TMEM269: variants seen among roughly 807,000 people sequenced by gnomAD.
TMEM269 encodes transmembrane protein 269.
In TMEM269, 12 loss-of-function variants were observed where a neutral mutation model predicts 15.8. The observed-to-expected ratio is 0.76, with a 90% CI of 0.49 to 1.23. TMEM269 has a LOEUF of 1.23. TMEM269 is among the 50% of genes most tolerant of loss of function. TMEM269 has a pLI of 0.00. For synonymous variants in TMEM269, 93 were observed against 99.3 expected (o/e 0.94, Z 0.38); for missense variants, 211 against 245.4 (o/e 0.86, Z 0.94).
chr1:42,785,745 C>T (rs1166778226), intron 1 of TMEM269, among the ~76,000 whole-genome samples: 1 of 152,256 alleles, frequency 6.6e-6, no homozygotes, highest in African/African-American at 2.4e-5. Context: ...GCTTCCGCAC[C>T]TGCGGTTCAT....
rs532336988 is a variant in TMEM269 at position 42,799,884 on chromosome 1, G to A, written c.*1659G>A. The A allele has an allele frequency of 3.3e-5, 5 of 152,090 alleles. No individual in the cohort carries two copies. Among genetic ancestry groups the A allele is most frequent in the South Asian group, 2.1e-4 (1 of 4,820 alleles). 9.4% of individuals were successfully genotyped at this position (152,090 alleles called of 1,614,324 possible). On this transcript the variant is annotated 3_prime_UTR_variant, in exon 6 of 6. Transcript: ENST00000637012. ...GAACAACACCACCACCACCAAAAGC[G>A]AAAAACAGGTTTTATTCTGAACTAA... is the stretch of plus-strand genomic sequence containing the variant.
rs1653747406 is a variant in TMEM269 at position 42,793,887 on chromosome 1, T to C, written c.283+143T>C. 12 of 1,033,802 alleles carry C rather than the reference T, an allele frequency of 1.2e-5. No individual in the cohort carries two copies. In the South Asian group the frequency reaches 2.0e-4, roughly 18 times the overall value. The allele number at this position is 1,033,802 out of a possible 1,614,324, so 64.0% of individuals were successfully genotyped here. ...TCCTCCTTGCGTGCCCCATGCCCCA[T>C]GCCCACTGAAGGCTGCAGGCTGCAT... On this transcript the variant is annotated intron_variant, in intron 4 of 5. Coordinates refer to ENST00000637012, the MANE Select transcript of TMEM269 (RefSeq NM_001354602.2).
At position 42,800,015 on chromosome 1, in the gene TMEM269, T is replaced by C. The variant is rs1653861939; in HGVS notation, c.*1790T>C. 1 of 152,190 alleles carries C rather than the reference T, an allele frequency of 6.6e-6. No homozygotes were observed. The highest frequency in any genetic ancestry group is 6.5e-5 in the Admixed American group (1 of 15,280). The allele number at this position is 152,190 out of a possible 1,614,324, so 9.4% of individuals were successfully genotyped here. A position where few individuals can be genotyped will look rare whatever the true frequency, so the allele number is the denominator to read the frequency against. On this transcript the variant is annotated 3_prime_UTR_variant, in exon 6 of 6. Transcript: ENST00000637012. ...AAATGCCTTGTGGCTGTTTCTAAAA[T>C]TTGAAACTATGTTGAAAGGAAAAAG...
intron 1 of TMEM269, 130 bp from the exon 2 acceptor site, chr1:42,789,666 G>A: frequency 2.5e-6 from 2 of 810,146 alleles, no homozygotes; most frequent in East Asian, 2.7e-5. Flanking sequence ...GTCTCCCTTA[G>A]TCCAGCCAGT....
rs1182404738 is a variant in TMEM269 at position 42,797,234 on chromosome 1, A to G, written c.485-864A>G. On this transcript the variant is annotated intron_variant, in intron 5 of 5. Coordinates refer to ENST00000637012, the MANE Select transcript of TMEM269 (RefSeq NM_001354602.2). The surrounding 1 kb of genome is among the most constrained non-coding windows in gnomAD (Gnocchi z 4.9). ...TCACAGGACTCAGCTTGTTGTACTCATGGCTAAGATTGATTTCAGCAAAAG... is the reference window on the plus strand; with the variant it reads ...TCACAGGACTCAGCTTGTTGTACTCGTGGCTAAGATTGATTTCAGCAAAAG... Among the ~76,000 whole-genome samples the G allele has an allele frequency of 1.3e-5, 2 of 152,188 alleles. No homozygotes were observed. Among genetic ancestry groups the G allele is most frequent in the Non-Finnish European group, 2.9e-5 (2 of 68,034 alleles).
At chr1:42,789,330 G>A in intron 1 of TMEM269, 1 of 992,532 alleles carries the variant, frequency 1.0e-6, no homozygotes, top group Non-Finnish European at 1.5e-6. Context: ...CTGCAGCCCT[G>A]TGCTTCAGAA....
chr1:42,799,575 C>T lies in TMEM269; in HGVS notation c.*1350C>T, dbSNP rs1430156461. The stretch of plus-strand genomic sequence containing the variant: ...GCCTGTGTCCCAGGACTTTATATCT[C>T]CTTCAGTTTAAGTTTTGTATTTTTG... On this transcript the variant is annotated 3_prime_UTR_variant, in exon 6 of 6. Coordinates refer to ENST00000637012, the MANE Select transcript of TMEM269 (RefSeq NM_001354602.2). 6.6e-6 allele frequency: 1 copy of T among 152,172 alleles called. No individual in the cohort carries two copies. The highest frequency in any genetic ancestry group is 1.9e-4 in the East Asian group (1 of 5,200). 9.4% of individuals were successfully genotyped at this position (152,172 alleles called of 1,614,324 possible).
rs184624275 is a variant in TMEM269 at position 42,797,902 on chromosome 1, G to A, written c.485-196G>A. 1.3e-5 allele frequency: 9 copies of A among 696,788 alleles called. No individual in the cohort carries two copies. The highest frequency in any genetic ancestry group is 9.0e-5 in the South Asian group (6 of 66,574). 43.2% of individuals were successfully genotyped at this position (696,788 alleles called of 1,614,324 possible). ...CACAGTGGAACCTGAGACTGCATTG[G>A]GCTATACTTCTCTAGTTACTTACCT... On this transcript the variant is annotated intron_variant, in intron 5 of 5. Transcript: ENST00000637012. The surrounding 1 kb of genome is among the most constrained non-coding windows in gnomAD (Gnocchi z 4.9).
At chr1:42,789,352 G>A in intron 1 of TMEM269, 1 of 1,250,652 alleles carries the variant, frequency 8.0e-7, no homozygotes, top group Non-Finnish European at 1.1e-6. Flanking sequence ...GAGTGAACTT[G>A]GACTGTGGGA....
intron 1 of TMEM269, chr1:42,789,595 C>G: frequency 1.7e-6 from 2 of 1,209,572 alleles, no homozygotes. Flanking sequence ...TGAGCTTTCC[C>G]AAGACGCTGG....
chr1:42,792,935 C>T lies in TMEM269; in HGVS notation c.139+33C>T. ...CAGGCCCCAGGCCCCTAATCCTTGC[C>T]CCCAGTAGCATCCATCTGGGGTCAC... On this transcript the variant is annotated intron_variant, in intron 3 of 5. Coordinates refer to ENST00000637012, the MANE Select transcript of TMEM269 (RefSeq NM_001354602.2). 2.0e-6 allele frequency: 3 copies of T among 1,501,914 alleles called. No homozygotes were observed. The South Asian group carries it at 3.6e-5, about 18-fold the overall frequency. 93.0% of individuals were successfully genotyped at this position (1,501,914 alleles called of 1,614,324 possible). A position where few individuals can be genotyped will look rare whatever the true frequency, so the allele number is the denominator to read the frequency against.
chr1:42,785,044 C>T lies in TMEM269; in HGVS notation c.-137C>T, dbSNP rs528138588. Reference sequence around the variant, plus strand: ...ACGGGGCAGGAGGGCGGACCCCCATCTCATGTAGGAATGCCGTGTCCCCAG... The same window carrying T: ...ACGGGGCAGGAGGGCGGACCCCCATTTCATGTAGGAATGCCGTGTCCCCAG... On this transcript the variant is annotated 5_prime_UTR_variant, in exon 1 of 6. Transcript: ENST00000637012. 1 of 152,642 alleles carries T rather than the reference C, an allele frequency of 6.6e-6. No homozygotes were observed. The highest frequency in any genetic ancestry group is 2.1e-4 in the South Asian group (1 of 4,838). 9.5% of individuals were successfully genotyped at this position (152,642 alleles called of 1,614,324 possible).
chr1:42,793,745 G>A lies in TMEM269; in HGVS notation c.283+1G>A, dbSNP rs778476127. 1 of 1,549,964 alleles carries A rather than the reference G, an allele frequency of 6.5e-7. No homozygotes were observed. The highest frequency in any genetic ancestry group is 8.7e-7 in the Non-Finnish European group (1 of 1,146,716). ...TTCCACTTGTGCTTTTATTCACCTG[G>A]TGAGTGGAACCAAGGTTGCCTTAGA... is the stretch of plus-strand genomic sequence containing the variant. On this transcript the variant is annotated splice_donor_variant, in intron 4 of 5. Transcript: ENST00000637012. LOFTEE classifies it high-confidence loss of function.
At chr1:42,793,805 C>G (rs781004077) in intron 4 of TMEM269, 61 bp downstream of exon 4, 2 of 1,501,118 alleles carry the variant, frequency 1.3e-6, no homozygotes, top group East Asian at 5.0e-5. Context: ...GGGGGGCTGT[C>G]GGGTGCCAGA....
rs1653652918 is a variant in TMEM269 at position 42,789,949 on chromosome 1, C to T, written c.41+15C>T. On this transcript the variant is annotated intron_variant, in intron 2 of 5. Transcript: ENST00000637012. Reference sequence around the variant, plus strand: ...AGCTTCAGCAGGTAGGTCTGGGGCCCAGCAAGCTCTTAGCCAAGAGCTGGA... The same window carrying T: ...AGCTTCAGCAGGTAGGTCTGGGGCCTAGCAAGCTCTTAGCCAAGAGCTGGA... 6.5e-7 allele frequency: 1 copy of T among 1,540,996 alleles called. No homozygotes were observed.
rs1653855007 is a variant in TMEM269, at chr1:42,799,615, G to T, written c.*1390G>T. ...TTGTATTTTTGCTATCTGCCATAGT[G>T]CCTGACACTCAGAAATGTTCCCTTT... On this transcript the variant is annotated 3_prime_UTR_variant, in exon 6 of 6. Transcript: ENST00000637012. 6.6e-6 allele frequency: 1 copy of T among 152,270 alleles called. No homozygotes were observed. Among genetic ancestry groups the T allele is most frequent in the Middle Eastern group, 3.4e-3 (1 of 294 alleles). 9.4% of individuals were successfully genotyped at this position (152,270 alleles called of 1,614,324 possible).
intron 2 of TMEM269, 46 bp downstream of exon 2, chr1:42,789,980 T>C (rs1159649979): frequency 5.8e-6 from 8 of 1,388,414 alleles, no homozygotes; most frequent in Non-Finnish European, 8.0e-6. Flanking sequence ...CTGGAGCCAA[T>C]GGCATGCGGG....
chr1:42,794,706 C>T lies in TMEM269; in HGVS notation c.484+93C>T, dbSNP rs1005608997. On this transcript the variant is annotated intron_variant, in intron 5 of 5. Transcript: ENST00000637012. ...GCATTTTTCTATCTCTCTTATTCTG[C>T]TTTATTTTTCCCCATAGAACTGATA... 4.5e-6 allele frequency: 4 copies of T among 892,418 alleles called. No individual in the cohort carries two copies. In the African/African-American group the frequency reaches 5.0e-5, roughly 11 times the overall value. 55.3% of individuals were successfully genotyped at this position (892,418 alleles called of 1,614,324 possible). A position where few individuals can be genotyped will look rare whatever the true frequency, so the allele number is the denominator to read the frequency against.
At chr1:42,796,794 C>G (rs890815811) in intron 5 of TMEM269, 6 of 152,066 alleles carry the variant, frequency 3.9e-5, no homozygotes, top group African/African-American at 1.4e-4. Flanking sequence ...TTCCAAAATG[C>G]CCATGCATAT....
Sources: gnomAD v4.1 joint callset for allele counts (sites outside exome capture counted in the v4.1 genomes callset) on GRCh38, gnomAD v4.1.1 for gene constraint, Gnocchi (gnomAD v3.1) non-coding constraint, MANE v1.5 for transcripts, NCBI Gene and HGNC (gene_info 2026-07-23, HGNC 2026-07-21) for gene names.